Variants in SPOCK1 observed in about 807,000 individuals in gnomAD.
The protein encoded by SPOCK1 is SPARC (osteonectin), cwcv and kazal like domains proteoglycan 1.
In SPOCK1, 23 loss-of-function variants were observed where a neutral mutation model predicts 55.3. The ratio of observed to expected loss-of-function variants is 0.42; its 90% CI spans 0.30 to 0.59. The LOEUF (loss-of-function observed/expected upper bound fraction) is 0.59. SPOCK1 is among the 20% of genes least tolerant of loss of function. The probability of loss-of-function intolerance (pLI) is 0.22; values close to 1 mark genes in which losing one functional copy is unlikely to be tolerated. For synonymous variants in SPOCK1, 226 were observed against 221.0 expected, an observed-to-expected ratio of 1.02 and a Z score of -0.20; for missense variants, 499 against 552.5, an observed-to-expected ratio of 0.90 and a Z score of 0.97.
At chr5:137,243,076 A>T (rs1351722444) in intron 3 of SPOCK1, among the ~76,000 whole-genome samples, 9 of 152,192 alleles carry the variant, frequency 5.9e-5, no homozygotes, top group Non-Finnish European at 1.3e-4. Context: ...ATAAAAAAAT[A>T]AAAAACCAAA....
At chr5:137,382,499 A>G (rs1194783225) in intron 2 of SPOCK1, among the ~76,000 whole-genome samples, 2 of 152,210 alleles carry the variant, frequency 1.3e-5, no homozygotes, top group African/African-American at 2.4e-5. Context: ...TGAAGAAAAG[A>G]GGTCTAATTG....
chr5:137,231,115 C>T (rs1203327234), intron 3 of SPOCK1, among the ~76,000 whole-genome samples: 1 of 151,766 alleles, frequency 6.6e-6, no homozygotes, highest in East Asian at 1.9e-4. Flanking sequence ...ATGATCTTGG[C>T]TCACTGTAAC....
At chr5:136,992,910 CT>C in intron 6 of SPOCK1, 1 of 247,976 alleles carries the variant, frequency 4.0e-6, no homozygotes, top group Non-Finnish European at 7.7e-6. Flanking sequence ...TCACAGATCA[CT>C]TTTGCTAACC....
intron 3 of SPOCK1, among the ~76,000 whole-genome samples, chr5:137,186,863 G>T (rs1755079320): frequency 6.6e-6 from 1 of 152,122 alleles, no homozygotes; most frequent in Non-Finnish European, 1.5e-5. Flanking sequence ...TCTCACCAGA[G>T]GACCAATGAC....
chr5:137,187,486 A>G (rs1033622241), intron 3 of SPOCK1, among the ~76,000 whole-genome samples: 1 of 152,100 alleles, frequency 6.6e-6, no homozygotes, highest in Admixed American at 6.5e-5. Flanking sequence ...CCCCTTCTCC[A>G]GCAACCTATC....
At chr5:137,479,928 G>A (rs1753914804) in intron 2 of SPOCK1, among the ~76,000 whole-genome samples, 1 of 152,138 alleles carries the variant, frequency 6.6e-6, no homozygotes, top group African/African-American at 2.4e-5. Flanking sequence ...TGGCCCTCTA[G>A]AGGGCATACC....
In SPOCK1 at chr5:137,300,060, G is replaced by T. The variant is rs375394571; in HGVS notation, c.187-33005C>A. On this transcript the variant is annotated intron_variant, in intron 2 of 10. Coordinates refer to ENST00000394945, the MANE Select transcript of SPOCK1 (RefSeq NM_004598.4). ...TATTAGACCACTTTATATTGTCCTG[G>T]AGGACCCTGATACTCTGTTGACTTT... 7.9e-5 allele frequency among the ~76,000 whole-genome samples: 12 copies of T among 152,076 alleles called. No homozygotes were observed. In the East Asian group the frequency reaches 2.3e-3, roughly 29 times the overall value.
At chr5:137,304,684 AC>A (rs1258172336) in intron 2 of SPOCK1, among the ~76,000 whole-genome samples, 1 of 151,856 alleles carries the variant, frequency 6.6e-6, no homozygotes, top group Non-Finnish European at 1.5e-5. Context: ...GAGGAGCAAG[AC>A]CCCCTGCTGC....
At chr5:137,374,675 G>A (rs1056440375) in intron 2 of SPOCK1, among the ~76,000 whole-genome samples, 6 of 152,168 alleles carry the variant, frequency 3.9e-5, no homozygotes, top group African/African-American at 7.2e-5. Context: ...TGACAGCGGC[G>A]CTCACCACAC....
At chr5:137,192,232 C>CAAAAAAA (rs60401497) in intron 3 of SPOCK1, among the ~76,000 whole-genome samples, 70 of 67,990 alleles carry the variant, frequency 1.0e-3, no homozygotes, top group Non-Finnish European at 1.4e-3. Flanking sequence ...GACTCTGTCT[C>CAAAAAAA]AAAAAAAAAA....
At position 137,451,044 on chromosome 5, in the gene SPOCK1, A is replaced by T. The variant is rs141405085; in HGVS notation, c.186+47329T>A. Among the ~76,000 whole-genome samples, 3 of 152,246 alleles carry T rather than the reference A, an allele frequency of 2.0e-5. No homozygotes were observed. In the East Asian group the frequency reaches 5.8e-4, roughly 29 times the overall value. On this transcript the variant is annotated intron_variant, in intron 2 of 10. Coordinates refer to ENST00000394945, the MANE Select transcript of SPOCK1 (RefSeq NM_004598.4). Reference sequence around the variant, plus strand: ...TCAGTCTCTCTCAGTGTAGCAGTTCAGTTGCTCTGAAGCCACTGATAATCC... The same window carrying T: ...TCAGTCTCTCTCAGTGTAGCAGTTCTGTTGCTCTGAAGCCACTGATAATCC...
At chr5:137,374,069 G>A (rs779114242) in intron 2 of SPOCK1, among the ~76,000 whole-genome samples, 26 of 152,196 alleles carry the variant, frequency 1.7e-4, no homozygotes, top group Non-Finnish European at 3.4e-4. Flanking sequence ...TAGGACTGTC[G>A]GGAAGATTAA....
chr5:137,281,959 G>A (rs183454559), intron 2 of SPOCK1, among the ~76,000 whole-genome samples: 108 of 152,230 alleles, frequency 7.1e-4, no homozygotes, highest in Middle Eastern at 3.4e-3. Flanking sequence ...TTTTTAACTG[G>A]TAACTTTTCT....
intron 2 of SPOCK1, among the ~76,000 whole-genome samples, chr5:137,448,936 G>C (rs1006575436): frequency 1.3e-5 from 2 of 152,202 alleles, no homozygotes; most frequent in African/African-American, 4.8e-5. Flanking sequence ...AATCTGGCCT[G>C]ACACCTGATT....
chr5:137,024,314 A>AGGCGGGGGGG (rs71583270), intron 6 of SPOCK1, among the ~76,000 whole-genome samples: 4 of 119,246 alleles, frequency 3.4e-5, no homozygotes, highest in African/African-American at 9.5e-5. Context: ...ACCAGTTTGA[A>AGGCGGGGGGG]GGGGGGGGGG....
At position 137,039,270 on chromosome 5, in the gene SPOCK1, CTTTTTTTTTTT is replaced by C. The variant is rs11479277; in HGVS notation, c.589+28434_589+28444del. On this transcript the variant is annotated intron_variant, in intron 6 of 10. Coordinates refer to ENST00000394945, the MANE Select transcript of SPOCK1 (RefSeq NM_004598.4). ...TCACTCTGCCTTTCTGCCTGCCACA[CTTTTTTTTTTT>C]TTTTTTTTTTTTTTTTTGTTGTTGC... 1.1e-4 allele frequency among the ~76,000 whole-genome samples: 10 copies of C among 88,902 alleles called. No homozygotes were observed. In the Admixed American group the frequency reaches 1.4e-3, roughly 12 times the overall value. The allele number at this position is 88,902 out of a possible 152,430, so 58.3% of individuals were successfully genotyped here. A position where few individuals can be genotyped will look rare whatever the true frequency, so the allele number is the denominator to read the frequency against.
intron 2 of SPOCK1, among the ~76,000 whole-genome samples, chr5:137,435,666 G>A (rs540017422): frequency 1.8e-4 from 28 of 152,078 alleles, no homozygotes; most frequent in South Asian, 1.0e-3. Flanking sequence ...GATTTTTTTC[G>A]TGTTTATTAG....
At chr5:137,213,485 T>C (rs1253678588) in intron 3 of SPOCK1, among the ~76,000 whole-genome samples, 3 of 152,224 alleles carry the variant, frequency 2.0e-5, no homozygotes, top group Admixed American at 2.0e-4. Flanking sequence ...GCAAGTGCCA[T>C]TGTTATCCCC....
chr5:137,118,704 T>C (rs897064930), intron 4 of SPOCK1, among the ~76,000 whole-genome samples: 13 of 152,194 alleles, frequency 8.5e-5, no homozygotes, highest in African/African-American at 3.1e-4. Flanking sequence ...TCAAAAATAT[T>C]TTAATAATGG....
Sources: allele counts gnomAD v4.1 joint callset (sites outside exome capture counted in the v4.1 genomes callset), GRCh38; gene constraint gnomAD v4.1.1; transcripts MANE v1.5; gene names NCBI Gene and HGNC (gene_info 2026-07-23, HGNC 2026-07-21).